The following ATE1 variants were observed in gnomAD, a reference collection of about 807,000 sequenced individuals.
ATE1 encodes the protein arginyltransferase 1.
Under a neutral mutation model 70.5 loss-of-function variants are expected in ATE1, and 36 were observed. That is an observed-to-expected ratio of 0.51 (90% CI 0.39 to 0.67). The LOEUF is 0.67. Ranked by LOEUF, ATE1 falls within the 30% of genes least tolerant of loss-of-function variation. ATE1 has a pLI of 0.00. For synonymous variants in ATE1, 232 were observed against 219.3 expected, an observed-to-expected ratio of 1.06 and a Z score of -0.51; for missense variants, 593 against 629.5, an observed-to-expected ratio of 0.94 and a Z score of 0.62.
intron 10 of ATE1, among the ~76,000 whole-genome samples, chr10:121,804,747 A>C (rs1947028778): frequency 6.7e-6 from 1 of 149,024 alleles, no homozygotes. Flanking sequence ...TTTGCACTAT[A>C]AGCTCGTAAG....
chr10:121,874,600 T>G (rs1333533063), intron 7 of ATE1, among the ~76,000 whole-genome samples: 2 of 152,194 alleles, frequency 1.3e-5, no homozygotes, highest in Non-Finnish European at 2.9e-5. Context: ...AATTCATTTT[T>G]TTATAGCTAT....
chr10:121,788,423 G>T (rs544507721), intron 11 of ATE1, among the ~76,000 whole-genome samples: 1 of 152,240 alleles, frequency 6.6e-6, no homozygotes, highest in East Asian at 1.9e-4. Flanking sequence ...GGTCCCTATG[G>T]TCACTCGTCA....
At chr10:121,895,562 A>C (rs1022540388) in intron 7 of ATE1, among the ~76,000 whole-genome samples, 9 of 152,072 alleles carry the variant, frequency 5.9e-5, no homozygotes, top group African/African-American at 1.9e-4. Context: ...TGCAGTGAGC[A>C]GAGATCACGC....
intron 10 of ATE1, among the ~76,000 whole-genome samples, chr10:121,822,447 T>C (rs1947836501): frequency 6.6e-6 from 1 of 152,198 alleles, no homozygotes; most frequent in African/African-American, 2.4e-5. Flanking sequence ...TTTCTTGTTT[T>C]GGGTGGTTGC....
chr10:121,779,511 C>T (rs1223206105), intron 11 of ATE1, among the ~76,000 whole-genome samples: 1 of 152,204 alleles, frequency 6.6e-6, no homozygotes, highest in Non-Finnish European at 1.5e-5. Context: ...ATTTCCTCAT[C>T]CTCTCCTAAG....
intron 7 of ATE1, among the ~76,000 whole-genome samples, chr10:121,889,240 A>C (rs959710309): frequency 3.7e-4 from 56 of 152,300 alleles, no homozygotes; most frequent in African/African-American, 1.3e-3. Context: ...CTTCAATAAA[A>C]AACTTTTTTT....
At chr10:121,868,754 G>A (rs181872055) in intron 8 of ATE1, among the ~76,000 whole-genome samples, 1 of 152,180 alleles carries the variant, frequency 6.6e-6, no homozygotes, top group Non-Finnish European at 1.5e-5. Context: ...CTTCCCCGTT[G>A]ATCCTGGATA....
At chr10:121,921,147 G>A (rs1188949280) in intron 3 of ATE1, among the ~76,000 whole-genome samples, 1 of 151,726 alleles carries the variant, frequency 6.6e-6, no homozygotes, top group African/African-American at 2.4e-5. Context: ...ATGATGCTGA[G>A]GTTTGCAATA....
chr10:121,817,289 C>G (rs1366528216), intron 10 of ATE1, among the ~76,000 whole-genome samples: 1 of 152,160 alleles, frequency 6.6e-6, no homozygotes, highest in African/African-American at 2.4e-5. Flanking sequence ...GCCTGTAATC[C>G]CAGTACTTTG....
Position 121,747,435 on chromosome 10 carries a change from G to T in ATE1, c.1379-3577C>A, listed in dbSNP as rs75781696. Among the ~76,000 whole-genome samples, 1,434 of 152,276 alleles carry T rather than the reference G, an allele frequency of 9.4e-3. 23 individuals are homozygous for T. Among genetic ancestry groups the T allele is most frequent in the African/African-American group, 0.033 (1,369 of 41,544 alleles). On this transcript the variant is annotated intron_variant, in intron 11 of 11. Coordinates refer to ENST00000224652, the MANE Select transcript of ATE1 (RefSeq NM_001001976.3). ...GAGCTGGGGGGATAAAGAAGCAAGG[G>T]CATTTTCCCCCCAAACCTCTCCTCT...
chr10:121,876,449 T>TATAATAATCATC lies in ATE1; in HGVS notation c.943-6423_943-6412dup, dbSNP rs369131506. 5.7e-3 allele frequency among the ~76,000 whole-genome samples: 871 copies of TATAATAATCATC among 152,354 alleles called. 10 individuals are homozygous for TATAATAATCATC. Among genetic ancestry groups the TATAATAATCATC allele is most frequent in the African/African-American group, 0.02 (835 of 41,572 alleles). ...ACTAATATCTACCTCCTACGTTCAC[T>TATAATAATCATC]ATAATAATCATCATATATTTTATAA... On this transcript the variant is annotated intron_variant, in intron 7 of 11. Transcript: ENST00000224652.
intron 11 of ATE1, among the ~76,000 whole-genome samples, chr10:121,777,680 GCACT>G: frequency 6.6e-6 from 1 of 152,156 alleles, no homozygotes; most frequent in Non-Finnish European, 1.5e-5. Flanking sequence ...GTTGGATAGT[GCACT>G]CTTGAAGATT....
chr10:121,841,145 G>A lies in ATE1; in HGVS notation c.1094C>T (p.Ser365Phe). The A allele has an allele frequency of 6.3e-7, 1 of 1,598,180 alleles. No individual in the cohort carries two copies. Among genetic ancestry groups the A allele is most frequent in the Non-Finnish European group, 8.5e-7 (1 of 1,170,076 alleles). Residue 365 changes from serine to phenylalanine, a missense_variant, in exon 9 of 12, where the codon TCT (serine) becomes TTT (phenylalanine). Physicochemically the swap from Ser to Phe is radical, Grantham distance 155. Coordinates refer to ENST00000224652, the MANE Select transcript of ATE1 (RefSeq NM_001001976.3). The stretch of plus-strand genomic sequence containing the variant: ...ATCAGGATCGTAGTACAAATACACA[G>A]ATGATACACAGTTTGGGAGGATGTC... ...VIDILPNCVS[S>F]VYLYYDPDYS...
At chr10:121,795,730 C>T (rs1380738971) in intron 10 of ATE1, among the ~76,000 whole-genome samples, 1 of 152,166 alleles carries the variant, frequency 6.6e-6, no homozygotes, top group African/African-American at 2.4e-5. Context: ...AAATGTTATG[C>T]TTTCTAAACT....
At chr10:121,782,343 C>T (rs138837610) in intron 11 of ATE1, among the ~76,000 whole-genome samples, 8 of 152,104 alleles carry the variant, frequency 5.3e-5, no homozygotes, top group Non-Finnish European at 7.3e-5. Context: ...TCACAAGGCA[C>T]GAAAATGTTC....
intron 11 of ATE1, among the ~76,000 whole-genome samples, chr10:121,780,780 C>T (rs1489581652): frequency 6.6e-6 from 1 of 152,134 alleles, no homozygotes; most frequent in Non-Finnish European, 1.5e-5. Context: ...CCACTTCATC[C>T]AAGCAGATTT....
intron 11 of ATE1, among the ~76,000 whole-genome samples, chr10:121,776,993 A>C (rs4752594): frequency 6.6e-6 from 1 of 152,236 alleles, no homozygotes; most frequent in Non-Finnish European, 1.5e-5. Context: ...ATCATACATC[A>C]TACATTTGTG....
intron 11 of ATE1, among the ~76,000 whole-genome samples, chr10:121,781,094 T>C (rs1049411476): frequency 2.0e-5 from 3 of 152,226 alleles, no homozygotes; most frequent in African/African-American, 7.2e-5. Flanking sequence ...TACCTTCCCA[T>C]GTTTTGGGTC....
At chr10:121,836,186 A>G (rs1948425413) in intron 10 of ATE1, among the ~76,000 whole-genome samples, 1 of 152,028 alleles carries the variant, frequency 6.6e-6, no homozygotes, top group Non-Finnish European at 1.5e-5. Flanking sequence ...CACATCTTCT[A>G]TAGTAAAAAA....
Sources: gnomAD v4.1 joint callset for allele counts (sites outside exome capture counted in the v4.1 genomes callset) on GRCh38, gnomAD v4.1.1 for gene constraint, MANE v1.5 for transcripts, NCBI Gene and HGNC (gene_info 2026-07-23, HGNC 2026-07-21) for gene names.